Variants in TAF4B observed in about 807,000 individuals in gnomAD.
TAF4B encodes transcription initiation factor TFIID subunit 4B.
In TAF4B, 38 loss-of-function variants were observed where a neutral mutation model predicts 86.4. The observed-to-expected ratio is 0.44, with a 90% CI of 0.34 to 0.58. The LOEUF is 0.58. TAF4B is among the 20% of genes least tolerant of loss of function. The pLI, the probability that TAF4B is intolerant of heterozygous loss-of-function variation, is 0.02. For missense variants in TAF4B, 988 were observed against 1,027.6 expected (o/e 0.96, Z 0.53); for synonymous variants, 388 against 391.2 (o/e 0.99, Z 0.10).
intron 10 of TAF4B, among the ~76,000 whole-genome samples, chr18:26,317,462 T>G (rs1327626645): frequency 6.6e-6 from 1 of 152,230 alleles, no homozygotes; most frequent in East Asian, 1.9e-4. Flanking sequence ...AGATAATATT[T>G]GCCACTTTTG....
intron 1 of TAF4B, among the ~76,000 whole-genome samples, chr18:26,229,890 A>G (rs1364153184): frequency 6.6e-6 from 1 of 152,062 alleles, no homozygotes; most frequent in Non-Finnish European, 1.5e-5. Context: ...ATTTTTCAAG[A>G]TAATGAATAC....
At chr18:26,304,437 A>G (rs1016643882) in intron 9 of TAF4B, among the ~76,000 whole-genome samples, 2 of 152,234 alleles carry the variant, frequency 1.3e-5, no homozygotes, top group African/African-American at 4.8e-5. Context: ...CAAATACTTG[A>G]AAAAGAACCA....
intron 14 of TAF4B, among the ~76,000 whole-genome samples, chr18:26,383,621 T>C (rs921202024): frequency 4.6e-5 from 7 of 152,192 alleles, no homozygotes; most frequent in African/African-American, 1.7e-4. Flanking sequence ...GGGTGATCAT[T>C]AGCTATGACA....
At chr18:26,244,656 T>C (rs1037953421) in intron 1 of TAF4B, among the ~76,000 whole-genome samples, 8 of 152,222 alleles carry the variant, frequency 5.3e-5, no homozygotes, top group Admixed American at 1.3e-4. Flanking sequence ...GTGTCACTTA[T>C]GCTGGGAGCT....
chr18:26,228,853 G>T (rs76394557), intron 1 of TAF4B, among the ~76,000 whole-genome samples: 1 of 152,008 alleles, frequency 6.6e-6, no homozygotes, highest in African/African-American at 2.4e-5. Context: ...CTGGAGGATT[G>T]GGGCCTTATC....
intron 10 of TAF4B, among the ~76,000 whole-genome samples, chr18:26,317,266 A>G (rs2056922124): frequency 6.6e-6 from 1 of 152,056 alleles, no homozygotes; most frequent in African/African-American, 2.4e-5. Flanking sequence ...CCTGACGTCA[A>G]GTCATCCACC....
chr18:26,258,507 T>C lies in TAF4B; in HGVS notation c.344-6663T>C, dbSNP rs1323966001. ...ATATATTGTTCTATACAATAGTTTT[T>C]AAAAACCAGTTATGAAAGAAGAAGT... is the stretch of plus-strand genomic sequence containing the variant. On this transcript the variant is annotated intron_variant, in intron 1 of 14. Coordinates refer to ENST00000269142, the MANE Select transcript of TAF4B (RefSeq NM_005640.3). 6.6e-5 allele frequency among the ~76,000 whole-genome samples: 10 copies of C among 152,302 alleles called. No individual in the cohort carries two copies. The East Asian group carries it at 1.5e-3, about 23-fold the overall frequency.
intron 1 of TAF4B, among the ~76,000 whole-genome samples, chr18:26,261,013 G>A (rs1040410824): frequency 2.6e-5 from 4 of 151,992 alleles, no homozygotes; most frequent in African/African-American, 9.7e-5. Flanking sequence ...CTATAGTGTA[G>A]CAACTCTTAA....
At chr18:26,302,653 A>G (rs2056748988) in intron 9 of TAF4B, among the ~76,000 whole-genome samples, 2 of 152,060 alleles carry the variant, frequency 1.3e-5, no homozygotes, top group Admixed American at 1.3e-4. Context: ...GTGAGCCATC[A>G]TGCCCAGCCT....
chr18:26,292,449 T>C, intron 8 of TAF4B, 68 bp downstream of exon 8: 2 of 1,518,324 alleles, frequency 1.3e-6, no homozygotes, highest in South Asian at 2.6e-5. Flanking sequence ...TATAACTTTT[T>C]TGTTGCTGTG....
At chr18:26,230,898 C>T (rs558728993) in intron 1 of TAF4B, among the ~76,000 whole-genome samples, 1 of 152,210 alleles carries the variant, frequency 6.6e-6, no homozygotes, top group Admixed American at 6.5e-5. Context: ...TTCTGAGGGT[C>T]ATCACACATA....
intron 6 of TAF4B, among the ~76,000 whole-genome samples, chr18:26,282,602 G>A (rs2056464081): frequency 1.3e-5 from 2 of 152,130 alleles, no homozygotes; most frequent in South Asian, 2.1e-4. Context: ...CTTTTTGCTG[G>A]TCAAGGTGGT....
Position 26,391,602 on chromosome 18 carries a change from A to G in TAF4B, c.*1590A>G, listed in dbSNP as rs533976112. ...ACCTTTATTTTTTGTAAAGTGCAGC[A>G]TACTCATTTGTGTATAATCTTACTG... On this transcript the variant is annotated 3_prime_UTR_variant, in exon 15 of 15. Coordinates refer to ENST00000269142, the MANE Select transcript of TAF4B (RefSeq NM_005640.3). 5.3e-5 allele frequency: 8 copies of G among 152,320 alleles called. No individual in the cohort carries two copies. The highest frequency in any genetic ancestry group is 1.0e-4 in the Non-Finnish European group (7 of 68,026). 9.4% of individuals were successfully genotyped at this position (152,320 alleles called of 1,614,324 possible).
chr18:26,379,275 T>C (rs1476503546), intron 14 of TAF4B, among the ~76,000 whole-genome samples: 3 of 152,110 alleles, frequency 2.0e-5, no homozygotes, highest in Non-Finnish European at 4.4e-5. Context: ...AAAAAACCTT[T>C]GTGTACCCCA....
rs577058143 is a variant in TAF4B, at chr18:26,281,915, G to T, written c.883-56G>T. The T allele has an allele frequency of 1.9e-4, 247 of 1,292,114 alleles. No individual in the cohort carries two copies. Among genetic ancestry groups the T allele is most frequent in the Non-Finnish European group, 2.4e-4 (213 of 899,638 alleles). The allele number at this position is 1,292,114 out of a possible 1,614,324, so 80.0% of individuals were successfully genotyped here. On this transcript the variant is annotated intron_variant, in intron 5 of 14. Coordinates refer to ENST00000269142, the MANE Select transcript of TAF4B (RefSeq NM_005640.3). ...TCTACAATCATGAATTATATACTTT[G>T]TCTCTTTTAAAAGATTTGTAGACTT... is the stretch of plus-strand genomic sequence containing the variant.
chr18:26,242,621 G>T (rs1179832410), intron 1 of TAF4B, among the ~76,000 whole-genome samples: 1 of 152,152 alleles, frequency 6.6e-6, no homozygotes, highest in African/African-American at 2.4e-5. Flanking sequence ...ATTTGATCCT[G>T]TCATTATGAT....
intron 13 of TAF4B, among the ~76,000 whole-genome samples, chr18:26,346,813 ATATGTGTGTG>A (rs1396464169): frequency 8.0e-5 from 2 of 24,888 alleles, no homozygotes; most frequent in Admixed American, 3.5e-4. Context: ...ATATATATAT[ATATGTGTGTG>A]TATATATATA....
At chr18:26,389,555 C>T (rs75663186) in intron 14 of TAF4B, among the ~76,000 whole-genome samples, 2,190 of 152,266 alleles carry the variant, frequency 0.014, 41 homozygotes, top group African/African-American at 0.05. Flanking sequence ...GTCTGGCCTG[C>T]AATGCACTGG....
chr18:26,379,714 T>C (rs1259380203), intron 14 of TAF4B, among the ~76,000 whole-genome samples: 1 of 152,094 alleles, frequency 6.6e-6, no homozygotes, highest in Non-Finnish European at 1.5e-5. Context: ...CATCTTGTCA[T>C]TCTTACAAAA....
Sources: allele counts gnomAD v4.1 joint callset (sites outside exome capture counted in the v4.1 genomes callset), GRCh38; gene constraint gnomAD v4.1.1; transcripts MANE v1.5; gene names NCBI Gene and HGNC (gene_info 2026-07-23, HGNC 2026-07-21).